Variants in MYBL1 observed in about 807,000 individuals in gnomAD.
The protein encoded by MYBL1 is myb-related protein A.
A neutral mutation model predicts 96.3 loss-of-function variants in MYBL1; 17 were observed. The observed-to-expected ratio is 0.18, with a 90% CI of 0.12 to 0.26. The LOEUF is 0.26. Ranked by LOEUF, MYBL1 falls within the 10% of genes least tolerant of loss-of-function variation. The pLI is 1.00. For missense variants in MYBL1, 701 were observed against 882.9 expected, an observed-to-expected ratio of 0.79 and a Z score of 2.61; for synonymous variants, 282 against 292.7, an observed-to-expected ratio of 0.96 and a Z score of 0.37.
At chr8:66,611,117 T>A (rs569919258) in intron 1 of MYBL1, among the ~76,000 whole-genome samples, 1 of 152,070 alleles carries the variant, frequency 6.6e-6, no homozygotes, top group South Asian at 2.1e-4. Context: ...AGAAAACCCA[T>A]GGGGAGGGGA....
chr8:66,593,313 A>T (rs770206624), intron 6 of MYBL1, 119 bp from the exon 7 acceptor site: 2 of 572,188 alleles, frequency 3.5e-6, no homozygotes, highest in Non-Finnish European at 6.2e-6. Flanking sequence ...AAGTACCTGT[A>T]TTAATTTTGA....
chr8:66,605,171 T>A (rs1452371856), intron 1 of MYBL1, among the ~76,000 whole-genome samples: 1 of 151,594 alleles, frequency 6.6e-6, no homozygotes, highest in African/African-American at 2.4e-5. Flanking sequence ...TTTTACATAT[T>A]TTTTTCTTAC....
At chr8:66,569,691 G>A (rs1440228554) in intron 12 of MYBL1, among the ~76,000 whole-genome samples, 2 of 152,038 alleles carry the variant, frequency 1.3e-5, no homozygotes, top group Non-Finnish European at 2.9e-5. Context: ...AAAAAGATCT[G>A]GAGGTTTTTC....
Position 66,601,706 on chromosome 8 carries a change from G to A in MYBL1, c.190C>T (p.His64Tyr). 1 of 1,501,736 alleles carries A rather than the reference G, an allele frequency of 6.7e-7. No individual in the cohort carries two copies. Among genetic ancestry groups the A allele is most frequent in the African/African-American group, 1.4e-5 (1 of 71,874 alleles). 93.0% of individuals were successfully genotyped at this position (1,501,736 alleles called of 1,614,324 possible). Residue 64 changes from histidine to tyrosine, a missense_variant, in exon 3 of 16, where the codon CAT (histidine) becomes TAT (tyrosine). Transcript: ENST00000522677. ...TTTAATATTTCACTTACTTGAAGAT[G>A]ACTAGCAATTAGAGTCCAATCATCA... ...GTDDWTLIASHLQNRSDFQCQ... is the reference protein window; with the variant it reads ...GTDDWTLIASYLQNRSDFQCQ...
chr8:66,566,585 G>T lies in MYBL1; in HGVS notation c.1950+99C>A, dbSNP rs1586546498. Reference sequence around the variant, plus strand: ...TGATACTAAGATAAAAATTCTCCATGAATTTCTAATGAACTGGCTACACAA... The same window carrying T: ...TGATACTAAGATAAAAATTCTCCATTAATTTCTAATGAACTGGCTACACAA... On this transcript the variant is annotated intron_variant, in intron 14 of 15. Transcript: ENST00000522677. 13 of 736,390 alleles carry T rather than the reference G, an allele frequency of 1.8e-5. No homozygotes were observed. In the East Asian group the frequency reaches 3.3e-4, roughly 19 times the overall value. 45.6% of individuals were successfully genotyped at this position (736,390 alleles called of 1,614,324 possible). A position where few individuals can be genotyped will look rare whatever the true frequency, so the allele number is the denominator to read the frequency against.
At chr8:66,607,713 A>AC (rs1237369299) in intron 1 of MYBL1, among the ~76,000 whole-genome samples, 35 of 151,948 alleles carry the variant, frequency 2.3e-4, no homozygotes, top group African/African-American at 8.2e-4. Flanking sequence ...AAAAAAAAAA[A>AC]ACACCTCCAA....
chr8:66,582,062 T>C (rs1243101831), intron 8 of MYBL1, among the ~76,000 whole-genome samples: 1 of 151,830 alleles, frequency 6.6e-6, no homozygotes, highest in East Asian at 1.9e-4. Flanking sequence ...GATAAAATAA[T>C]CAAACCACTG....
chr8:66,604,558 G>C (rs764852397), intron 1 of MYBL1, among the ~76,000 whole-genome samples: 3 of 151,436 alleles, frequency 2.0e-5, no homozygotes, highest in Non-Finnish European at 4.4e-5. Flanking sequence ...AAATAAACTG[G>C]AGTGAAGCAA....
At chr8:66,599,815 A>G (rs1809998385) in intron 3 of MYBL1, among the ~76,000 whole-genome samples, 1 of 152,066 alleles carries the variant, frequency 6.6e-6, no homozygotes, top group African/African-American at 2.4e-5. Flanking sequence ...AAAAAAAAAG[A>G]AAAAGAACTC....
chr8:66,575,885 T>C (rs1808918398), intron 10 of MYBL1, 122 bp downstream of exon 10: 5 of 933,654 alleles, frequency 5.4e-6, no homozygotes, highest in South Asian at 2.0e-5. Flanking sequence ...TTCTCAAGTA[T>C]ACATTTAAAC....
intron 8 of MYBL1, among the ~76,000 whole-genome samples, chr8:66,584,643 G>A (rs990780098): frequency 2.8e-4 from 42 of 152,076 alleles, no homozygotes; most frequent in African/African-American, 1.0e-3. Flanking sequence ...AGGATCACTT[G>A]AGGTCAGGAG....
At chr8:66,609,261 A>C (rs1353418381) in intron 1 of MYBL1, among the ~76,000 whole-genome samples, 1 of 152,100 alleles carries the variant, frequency 6.6e-6, no homozygotes. Context: ...TATATCACTT[A>C]AACCAGTAAA....
chr8:66,575,131 C>T (rs1368820688), intron 10 of MYBL1, among the ~76,000 whole-genome samples: 1 of 151,926 alleles, frequency 6.6e-6, no homozygotes, highest in African/African-American at 2.4e-5. Flanking sequence ...CTAACATAAA[C>T]ATCTACTGTC....
intron 8 of MYBL1, among the ~76,000 whole-genome samples, chr8:66,591,264 G>A (rs1809630788): frequency 6.6e-6 from 1 of 151,790 alleles, no homozygotes; most frequent in Non-Finnish European, 1.5e-5. Context: ...GGAGAATGAC[G>A]TGAACCCAGG....
chr8:66,606,725 G>A (rs1219854826), intron 1 of MYBL1, among the ~76,000 whole-genome samples: 4 of 151,538 alleles, frequency 2.6e-5, no homozygotes, highest in Non-Finnish European at 4.4e-5. Context: ...TCCAGTGTTC[G>A]CTCTCCCTGA....
chr8:66,590,410 G>C (rs968858639), intron 8 of MYBL1, among the ~76,000 whole-genome samples: 10 of 152,036 alleles, frequency 6.6e-5, no homozygotes, highest in Non-Finnish European at 1.0e-4. Context: ...CTTGAGGTTA[G>C]GTGTTCAAGA....
intron 6 of MYBL1, among the ~76,000 whole-genome samples, chr8:66,594,739 T>C (rs1299250154): frequency 6.6e-6 from 1 of 152,156 alleles, no homozygotes; most frequent in Non-Finnish European, 1.5e-5. Flanking sequence ...TTAATGAAAA[T>C]GTCATTACTC....
At chr8:66,595,267 C>T (rs1809804863) in intron 6 of MYBL1, among the ~76,000 whole-genome samples, 2 of 151,960 alleles carry the variant, frequency 1.3e-5, no homozygotes, top group Admixed American at 1.3e-4. Context: ...TATAATTACG[C>T]CAAAATTGTT....
chr8:66,575,082 A>G (rs961662794), intron 10 of MYBL1, among the ~76,000 whole-genome samples: 1 of 152,172 alleles, frequency 6.6e-6, no homozygotes, highest in African/African-American at 2.4e-5. Context: ...CGTTTGGCAA[A>G]CAGCCTGGAG....
Sources: gnomAD v4.1 joint callset for allele counts (sites outside exome capture counted in the v4.1 genomes callset) on GRCh38, gnomAD v4.1.1 for gene constraint, MANE v1.5 for transcripts, NCBI Gene and HGNC (gene_info 2026-07-23, HGNC 2026-07-21) for gene names.